Variants in PCBP3 observed in about 807,000 individuals in gnomAD.
The protein encoded by PCBP3 is poly(rC) binding protein 3, also known as poly(rC)-binding protein 3.
Under a neutral mutation model 52.7 loss-of-function variants are expected in PCBP3, and 25 were observed. That is an observed-to-expected ratio of 0.47 (90% CI 0.35 to 0.66). The LOEUF (loss-of-function observed/expected upper bound fraction) is 0.66, where lower values mean the gene tolerates loss of function less well. PCBP3 is among the 30% of genes least tolerant of loss of function. The probability of loss-of-function intolerance (pLI) is 0.01; values close to 1 mark genes in which losing one functional copy is unlikely to be tolerated. For synonymous variants in PCBP3, 162 were observed against 183.0 expected (o/e 0.89, Z 0.93); for missense variants, 391 against 490.3 (o/e 0.80, Z 1.91).
rs144598178 is a variant in PCBP3, at chr21:45,933,200, C to T, written c.857-2053C>T. Among the ~76,000 whole-genome samples the T allele has an allele frequency of 3.7e-3, 556 of 150,120 alleles. 3 individuals are homozygous for T. The highest frequency in any genetic ancestry group is 0.014 in the African/African-American group (538 of 39,526). On this transcript the variant is annotated intron_variant, in intron 15 of 17. Coordinates refer to ENST00000681687, the MANE Select transcript of PCBP3 (RefSeq NM_001384156.1). ...GTCTTGAGATGAATGAACACCTGGG[C>T]CATGCTGTCCTGAGACGAATGAACA...
intron 1 of PCBP3, among the ~76,000 whole-genome samples, chr21:45,650,776 C>A (rs1028797736): frequency 6.6e-6 from 1 of 152,148 alleles, no homozygotes; most frequent in African/African-American, 2.4e-5. Context: ...AAAATCGATT[C>A]TTAAATGGTC....
intron 5 of PCBP3, among the ~76,000 whole-genome samples, chr21:45,864,167 G>A (rs1424271292): frequency 6.6e-6 from 1 of 152,192 alleles, no homozygotes; most frequent in Non-Finnish European, 1.5e-5. Flanking sequence ...ACCCTTGTGG[G>A]GCCAGACTTT....
chr21:45,888,598 G>A (rs1603467932), intron 5 of PCBP3, among the ~76,000 whole-genome samples: 2 of 152,250 alleles, frequency 1.3e-5, no homozygotes, highest in South Asian at 2.1e-4. Flanking sequence ...GACACAGCAC[G>A]TGATACCACA....
At position 45,904,084 on chromosome 21, in the gene PCBP3, G is replaced by A. The variant is rs1339864724; in HGVS notation, c.339+2971G>A. On this transcript the variant is annotated intron_variant, in intron 9 of 17. Transcript: ENST00000681687. The surrounding 1 kb of genome is among the most constrained non-coding windows in gnomAD (Gnocchi z 4.8). ...TCTCCTGGTTGAAGGTCCTAAGGAG[G>A]ATGTTTGGGAAGATGTCATGGGAAG... 3.9e-5 allele frequency among the ~76,000 whole-genome samples: 6 copies of A among 152,160 alleles called. No individual in the cohort carries two copies. The highest frequency in any genetic ancestry group is 1.4e-4 in the African/African-American group (6 of 41,450).
chr21:45,868,594 G>A (rs1463610915), intron 5 of PCBP3, among the ~76,000 whole-genome samples: 1 of 152,132 alleles, frequency 6.6e-6, no homozygotes, highest in African/African-American at 2.4e-5. Context: ...CCCCATGCCT[G>A]CCCAGCTCCC....
intron 5 of PCBP3, among the ~76,000 whole-genome samples, chr21:45,851,083 G>T (rs969297464): frequency 6.6e-6 from 1 of 152,124 alleles, no homozygotes; most frequent in Non-Finnish European, 1.5e-5. Flanking sequence ...AACTCAAGAG[G>T]CTGAAAAAAG....
chr21:45,777,386 T>A (rs1040981103), intron 4 of PCBP3, among the ~76,000 whole-genome samples: 2 of 152,230 alleles, frequency 1.3e-5, no homozygotes, highest in Non-Finnish European at 2.9e-5. Context: ...TGACATAATA[T>A]GCTACAGAGA....
chr21:45,865,861 AC>A (rs1263883481), intron 5 of PCBP3, among the ~76,000 whole-genome samples: 3 of 151,606 alleles, frequency 2.0e-5, no homozygotes, highest in African/African-American at 7.3e-5. Context: ...CAGGGTGTGC[AC>A]CCCCCACAGC....
intron 6 of PCBP3, 63 bp from the exon 7 acceptor site, chr21:45,899,536 C>T: frequency 7.4e-7 from 1 of 1,349,358 alleles, no homozygotes; most frequent in Admixed American, 1.7e-5. Context: ...TAGTGTCTGC[C>T]TCCAGTGTTT....
chr21:45,913,963 G>T lies in PCBP3; in HGVS notation c.613G>T (p.Gly205Cys). The T allele has an allele frequency of 6.2e-7, 1 of 1,612,618 alleles. No homozygotes were observed. The highest frequency in any genetic ancestry group is 8.5e-7 in the Non-Finnish European group (1 of 1,179,584). The stretch of plus-strand genomic sequence containing the variant: ...TCCCTTTTCCTAGTCCCCACCGAAA[G>T]GTGCCACCATTCCCTACCGCCCAAA... ...CVVMLESPPK[G>C]ATIPYRPKPA... The change falls in exon 12 of 18, where the codon GGT (glycine) becomes TGT (cysteine). Residue 205 changes from glycine (G) to cysteine (C), a missense_variant. Gly to Cys is a radical substitution (Grantham distance 159). Coordinates refer to ENST00000681687, the MANE Select transcript of PCBP3 (RefSeq NM_001384156.1).
In PCBP3 at chr21:45,766,922, TATC is replaced by T. The variant is rs149576219; in HGVS notation, c.-126+11473_-126+11475del. 7.1e-3 allele frequency among the ~76,000 whole-genome samples: 1,078 copies of T among 152,146 alleles called. 16 individuals carry two copies. Among genetic ancestry groups the T allele is most frequent in the African/African-American group, 0.024 (1,015 of 41,508 alleles). ...CAATCAACAACAACAACAAGAGTGG[TATC>T]ATTACAGTCTGTCAGACACTGACTA... is the stretch of plus-strand genomic sequence containing the variant. On this transcript the variant is annotated intron_variant, in intron 4 of 17. Transcript: ENST00000681687.
At chr21:45,705,393 C>G (rs2083385306) in intron 2 of PCBP3, among the ~76,000 whole-genome samples, 1 of 152,206 alleles carries the variant, frequency 6.6e-6, no homozygotes, top group Admixed American at 6.5e-5. Context: ...GTAAGTGACA[C>G]CAGGGCTGGG....
chr21:45,792,963 C>T (rs1396105022), intron 4 of PCBP3, among the ~76,000 whole-genome samples: 1 of 152,182 alleles, frequency 6.6e-6, no homozygotes, highest in Non-Finnish European at 1.5e-5. Flanking sequence ...TCCAAAGACA[C>T]CCCTCCTTCT....
chr21:45,874,828 T>G (rs1020716606), intron 5 of PCBP3, among the ~76,000 whole-genome samples: 1 of 152,136 alleles, frequency 6.6e-6, no homozygotes, highest in East Asian at 1.9e-4. Context: ...ACTGTGTCGG[T>G]CCCTGTGGTT....
rs1354109332 is a variant in PCBP3, at chr21:45,663,379, T to G, written c.-278-5495T>G. On this transcript the variant is annotated intron_variant, in intron 1 of 17. Coordinates refer to ENST00000681687, the MANE Select transcript of PCBP3 (RefSeq NM_001384156.1). ...GTGGTAGTGGTCGCCCGGGCCCAGCTGTTTTTTCTTTTATCTCTTTGTCTT... is the reference window on the plus strand; with the variant it reads ...GTGGTAGTGGTCGCCCGGGCCCAGCGGTTTTTTCTTTTATCTCTTTGTCTT... Among the ~76,000 whole-genome samples, 6 of 152,144 alleles carry G rather than the reference T, an allele frequency of 3.9e-5. No individual in the cohort carries two copies. The East Asian group carries it at 1.2e-3, about 29-fold the overall frequency.
chr21:45,810,235 TGTGTGTGTGTGA>T (rs1487750438), intron 4 of PCBP3, among the ~76,000 whole-genome samples: 6 of 151,670 alleles, frequency 4.0e-5, no homozygotes, highest in South Asian at 2.1e-4. Context: ...TGTGTGTGTG[TGTGTGTGTGTGA>T]GAGAGTGTGT....
intron 2 of PCBP3, among the ~76,000 whole-genome samples, chr21:45,719,186 A>G (rs1021830879): frequency 2.0e-5 from 3 of 152,094 alleles, no homozygotes; most frequent in Admixed American, 6.5e-5. Flanking sequence ...CTCACCCTGC[A>G]ATAAGGTTGG....
chr21:45,798,669 G>A (rs1326696848), intron 4 of PCBP3, among the ~76,000 whole-genome samples: 1 of 151,776 alleles, frequency 6.6e-6, no homozygotes, highest in Non-Finnish European at 1.5e-5. Context: ...GAGAGTGAAT[G>A]GATGTGTACA....
chr21:45,871,689 C>T (rs1182593381), intron 5 of PCBP3: 1 of 152,338 alleles, frequency 6.6e-6, no homozygotes, highest in African/African-American at 2.4e-5. Flanking sequence ...CCACTGCCCT[C>T]TCCCCGCCCT....
Sources: gnomAD v4.1 joint callset for allele counts (sites outside exome capture counted in the v4.1 genomes callset) on GRCh38, gnomAD v4.1.1 for gene constraint, Gnocchi (gnomAD v3.1) non-coding constraint, MANE v1.5 for transcripts, NCBI Gene and HGNC (gene_info 2026-07-23, HGNC 2026-07-21) for gene names.